The following KCNQ1OT1 variants were observed in gnomAD, a reference collection of about 807,000 sequenced individuals.
KCNQ1OT1 encodes KCNQ1 antisense RNA 2 (non-protein coding).
Position 2,613,117 on chromosome 11 carries a change from A to G in KCNQ1OT1, n.86878T>C. The stretch of plus-strand genomic sequence containing the variant: ...GACATTTGTTTAAACATCTTGAGCC[A>G]GTGAATCTTCCACCCTCTGCTGAGG... On this transcript the variant is annotated non_coding_transcript_exon_variant, in exon 1 of 1. Coordinates refer to ENST00000597346, the Ensembl canonical transcript of KCNQ1OT1. The surrounding 1 kb of genome is among the most constrained non-coding windows in gnomAD (Gnocchi z 4.8). 2.5e-6 allele frequency: 1 copy of G among 398,666 alleles called. No individual in the cohort carries two copies. Among genetic ancestry groups the G allele is most frequent in the Non-Finnish European group, 4.4e-6 (1 of 226,092 alleles). 24.7% of individuals were successfully genotyped at this position (398,666 alleles called of 1,614,324 possible).
chr11:2,697,011 C>T (rs1449720638), exon 1 of KCNQ1OT1: 3 of 398,210 alleles, frequency 7.5e-6, no homozygotes, highest in Non-Finnish European at 1.3e-5. Flanking sequence ...AAAGTGTAGT[C>T]TGGGGATTCC....
exon 1 of KCNQ1OT1, chr11:2,628,791 C>G (rs79848425): frequency 0.013 from 5,109 of 398,338 alleles, 155 homozygotes; most frequent in East Asian, 0.079. Context: ...TCACTTTTCT[C>G]TACAGTGTAG....
exon 1 of KCNQ1OT1, chr11:2,686,596 A>G: frequency 2.5e-6 from 1 of 398,670 alleles, no homozygotes; most frequent in Non-Finnish European, 4.4e-6. Context: ...CAGCTTGGCT[A>G]CTAGCACTTT....
rs538163130 is a variant in KCNQ1OT1, at chr11:2,627,544, G to A, written n.72451C>T. ...TAGAATTCCATATGTAACTGGGATA[G>A]TGCAGTATTTGTCTTTCTGTGTCTG... On this transcript the variant is annotated non_coding_transcript_exon_variant, in exon 1 of 1. Coordinates refer to ENST00000597346, the Ensembl canonical transcript of KCNQ1OT1. This position sits in a 1 kb window ranked among gnomAD's most constrained non-coding sequence, Gnocchi z 4.9. The A allele has an allele frequency of 1.8e-5, 7 of 398,396 alleles. No individual in the cohort carries two copies. In the Admixed American group the frequency reaches 2.6e-4, roughly 15 times the overall value. The allele number at this position is 398,396 out of a possible 1,614,324, so 24.7% of individuals were successfully genotyped here. A position where few individuals can be genotyped will look rare whatever the true frequency, so the allele number is the denominator to read the frequency against.
rs1850171152 is a variant in KCNQ1OT1 at position 2,670,860 on chromosome 11, G to A, written n.29135C>T. On this transcript the variant is annotated non_coding_transcript_exon_variant, in exon 1 of 1. Coordinates refer to ENST00000597346, the Ensembl canonical transcript of KCNQ1OT1. The surrounding 1 kb of genome is among the most constrained non-coding windows in gnomAD (Gnocchi z 4.9). ...CCAAGGAGGTCAAAGGTCCTCACTG[G>A]CCAGTGGGCCACTGGGAAGCCTCCT... 2.5e-6 allele frequency: 1 copy of A among 398,614 alleles called. No individual in the cohort carries two copies. Among genetic ancestry groups the A allele is most frequent in the East Asian group, 3.6e-5 (1 of 28,068 alleles). 24.7% of individuals were successfully genotyped at this position (398,614 alleles called of 1,614,324 possible).
rs573151275 is a variant in KCNQ1OT1 at position 2,632,935 on chromosome 11, G to A, written n.67060C>T. ...TTTCCTTTCCTTTGAGTCAATACCCGGTAGTGGATTGTCAAACTGTATGAT... is the reference window on the plus strand; with the variant it reads ...TTTCCTTTCCTTTGAGTCAATACCCAGTAGTGGATTGTCAAACTGTATGAT... On this transcript the variant is annotated non_coding_transcript_exon_variant, in exon 1 of 1. Coordinates refer to ENST00000597346, the Ensembl canonical transcript of KCNQ1OT1. 2.0e-4 allele frequency: 80 copies of A among 398,392 alleles called. No individual in the cohort carries two copies. Among genetic ancestry groups the A allele is most frequent in the African/African-American group, 1.0e-3 (51 of 48,722 alleles). 24.7% of individuals were successfully genotyped at this position (398,392 alleles called of 1,614,324 possible). A position where few individuals can be genotyped will look rare whatever the true frequency, so the allele number is the denominator to read the frequency against.
rs1465454980 is a variant in KCNQ1OT1, at chr11:2,617,412, T to A, written n.82583A>T. 1 of 398,380 alleles carries A rather than the reference T, an allele frequency of 2.5e-6. No homozygotes were observed. The highest frequency in any genetic ancestry group is 3.6e-5 in the East Asian group (1 of 28,082). 24.7% of individuals were successfully genotyped at this position (398,380 alleles called of 1,614,324 possible). ...GTGGCAAGTGGCAGGATCTCCTTTT[T>A]TAATGCGGAATAATATTCCATTGTA... On this transcript the variant is annotated non_coding_transcript_exon_variant, in exon 1 of 1. Transcript: ENST00000597346. The surrounding 1 kb of genome is among the most constrained non-coding windows in gnomAD (Gnocchi z 4.6).
rs1213748649 is a variant in KCNQ1OT1, at chr11:2,669,852, G to A, written n.30143C>T. ...ATGAGTTACCATGGGATACAAATGG[G>A]GTCACAACATATGGCTGTCAGCTGC... On this transcript the variant is annotated non_coding_transcript_exon_variant, in exon 1 of 1. Transcript: ENST00000597346. The surrounding 1 kb of genome is among the most constrained non-coding windows in gnomAD (Gnocchi z 5.6). 2.5e-6 allele frequency: 1 copy of A among 398,564 alleles called. No individual in the cohort carries two copies. The highest frequency in any genetic ancestry group is 4.4e-5 in the Admixed American group (1 of 22,728). 24.7% of individuals were successfully genotyped at this position (398,564 alleles called of 1,614,324 possible). A position where few individuals can be genotyped will look rare whatever the true frequency, so the allele number is the denominator to read the frequency against.
chr11:2,611,861 T>G lies in KCNQ1OT1; in HGVS notation n.88134A>C, dbSNP rs1055488057. On this transcript the variant is annotated non_coding_transcript_exon_variant, in exon 1 of 1. Coordinates refer to ENST00000597346, the Ensembl canonical transcript of KCNQ1OT1. The surrounding 1 kb of genome is among the most constrained non-coding windows in gnomAD (Gnocchi z 5.3). ...GTACCATTCTAATTCCTTTGTTAGT[T>G]TATTTCCCCCATTTTTAAAGTGTAA... The G allele has an allele frequency of 2.5e-6, 1 of 398,372 alleles. No individual in the cohort carries two copies. Among genetic ancestry groups the G allele is most frequent in the African/African-American group, 2.1e-5 (1 of 48,632 alleles). 24.7% of individuals were successfully genotyped at this position (398,372 alleles called of 1,614,324 possible). A position where few individuals can be genotyped will look rare whatever the true frequency, so the allele number is the denominator to read the frequency against.
rs1394317223 is a variant in KCNQ1OT1, at chr11:2,653,628, A to G, written n.46367T>C. 4 of 398,464 alleles carry G rather than the reference A, an allele frequency of 1.0e-5. No individual in the cohort carries two copies. The highest frequency in any genetic ancestry group is 1.8e-5 in the Non-Finnish European group (4 of 226,080). 24.7% of individuals were successfully genotyped at this position (398,464 alleles called of 1,614,324 possible). On this transcript the variant is annotated non_coding_transcript_exon_variant, in exon 1 of 1. Transcript: ENST00000597346. The surrounding 1 kb of genome is among the most constrained non-coding windows in gnomAD (Gnocchi z 5.3). ...GGCCCCATGGGATGGCTGTATCCTT[A>G]GGCAGCTACTTTCTAAAAGGGGCAA...
chr11:2,667,128 A>G (rs1440517408), exon 1 of KCNQ1OT1: 2 of 398,538 alleles, frequency 5.0e-6, no homozygotes, highest in Non-Finnish European at 8.8e-6. Context: ...CTCAGTGGGA[A>G]AGAGATGGGA....
exon 1 of KCNQ1OT1, chr11:2,667,602 G>A (rs536625418): frequency 6.3e-5 from 25 of 398,438 alleles, no homozygotes; most frequent in African/African-American, 2.5e-4. Context: ...TGGGCGGGGG[G>A]CACATCCCAT....
Position 2,621,091 on chromosome 11 carries a change from T to C in KCNQ1OT1, n.78904A>G, listed in dbSNP as rs12791259. ...CTCCTGGGTTCAAGCAATTCTCCTG[T>C]CTCAGACTCCTGAGTAGCTGGGATT... On this transcript the variant is annotated non_coding_transcript_exon_variant, in exon 1 of 1. Coordinates refer to ENST00000597346, the Ensembl canonical transcript of KCNQ1OT1. The surrounding 1 kb of genome is among the most constrained non-coding windows in gnomAD (Gnocchi z 5.7). 34,701 of 396,516 alleles carry C rather than the reference T, an allele frequency of 0.088. 1,850 individuals are homozygous for C. The highest frequency in any genetic ancestry group is 0.11 in the Non-Finnish European group (25,031 of 225,350). The allele number at this position is 396,516 out of a possible 1,614,324, so 24.6% of individuals were successfully genotyped here.
At position 2,661,740 on chromosome 11, in the gene KCNQ1OT1, C is replaced by T. The variant is rs751895611; in HGVS notation, n.38255G>A. 4 of 621,756 alleles carry T rather than the reference C, an allele frequency of 6.4e-6. No individual in the cohort carries two copies. The highest frequency in any genetic ancestry group is 2.6e-5 in the Admixed American group (1 of 38,980). The allele number at this position is 621,756 out of a possible 1,614,324, so 38.5% of individuals were successfully genotyped here. A position where few individuals can be genotyped will look rare whatever the true frequency, so the allele number is the denominator to read the frequency against. The stretch of plus-strand genomic sequence containing the variant: ...CAGTTACCACTCCGAAGATGATTCA[C>T]TGGCCTTTATTCTCCTCAGACACTG... On this transcript the variant is annotated non_coding_transcript_exon_variant, in exon 1 of 1. Coordinates refer to ENST00000597346, the Ensembl canonical transcript of KCNQ1OT1. This position sits in a 1 kb window ranked among gnomAD's most constrained non-coding sequence, Gnocchi z 5.9.
At position 2,668,193 on chromosome 11, in the gene KCNQ1OT1, A is replaced by G. The variant is rs569985709; in HGVS notation, n.31802T>C. 2.7e-4 allele frequency: 106 copies of G among 398,594 alleles called. No homozygotes were observed. Among genetic ancestry groups the G allele is most frequent in the Non-Finnish European group, 4.3e-4 (98 of 226,054 alleles). The allele number at this position is 398,594 out of a possible 1,614,324, so 24.7% of individuals were successfully genotyped here. On this transcript the variant is annotated non_coding_transcript_exon_variant, in exon 1 of 1. Transcript: ENST00000597346. The surrounding 1 kb of genome is among the most constrained non-coding windows in gnomAD (Gnocchi z 4.3). Reference sequence around the variant, plus strand: ...TGCTGACTGGTGCTCCATTGTGTGCATGGCCTACATCATTCATCCATTCTA... The same window carrying G: ...TGCTGACTGGTGCTCCATTGTGTGCGTGGCCTACATCATTCATCCATTCTA...
In KCNQ1OT1 at chr11:2,628,663, C is replaced by T. The variant is rs145813834; in HGVS notation, n.71332G>A. 1,454 of 398,134 alleles carry T rather than the reference C, an allele frequency of 3.7e-3. 3 individuals carry two copies. The highest frequency in any genetic ancestry group is 4.3e-3 in the Non-Finnish European group (967 of 225,914). 24.7% of individuals were successfully genotyped at this position (398,134 alleles called of 1,614,324 possible). A position where few individuals can be genotyped will look rare whatever the true frequency, so the allele number is the denominator to read the frequency against. On this transcript the variant is annotated non_coding_transcript_exon_variant, in exon 1 of 1. Transcript: ENST00000597346. ...TTGATGTAGTTCTAATTTATTTTTG[C>T]GTTTTATTCCTTGTGCTTTTGATGT...
At chr11:2,696,506 CCT>C in exon 1 of KCNQ1OT1, 1 of 398,662 alleles carries the variant, frequency 2.5e-6, no homozygotes. Context: ...CAGCAGAAGT[CCT>C]CTGCTCTCCT....
rs1488499788 is a variant in KCNQ1OT1, at chr11:2,659,485, A to G, written n.40510T>C. 2.5e-5 allele frequency: 10 copies of G among 398,380 alleles called. No individual in the cohort carries two copies. The highest frequency in any genetic ancestry group is 6.2e-5 in the African/African-American group (3 of 48,608). The allele number at this position is 398,380 out of a possible 1,614,324, so 24.7% of individuals were successfully genotyped here. A position where few individuals can be genotyped will look rare whatever the true frequency, so the allele number is the denominator to read the frequency against. On this transcript the variant is annotated non_coding_transcript_exon_variant, in exon 1 of 1. Transcript: ENST00000597346. The surrounding 1 kb of genome is among the most constrained non-coding windows in gnomAD (Gnocchi z 4.3). ...GGTATTCCATTGCATGAATATATAC[A>G]TTTTGTTTATGCATTCACCTGTTGA...
At chr11:2,648,981 C>CTTT in exon 1 of KCNQ1OT1, 134 of 313,582 alleles carry the variant, frequency 4.3e-4, no homozygotes, top group East Asian at 2.4e-3. Flanking sequence ...TTTTCTTTTT[C>CTTT]TTTTTTTTTT....
Sources: allele counts gnomAD v4.1 joint callset, GRCh38; gene constraint gnomAD v4.1.1; non-coding constraint Gnocchi (gnomAD v3.1); transcripts MANE v1.5; gene names NCBI Gene and HGNC (gene_info 2026-07-23, HGNC 2026-07-21).